Variants in CD8B observed in about 807,000 individuals in gnomAD.
The protein encoded by CD8B is T-cell surface glycoprotein CD8 beta chain.
In CD8B, 6 loss-of-function variants were observed where a neutral mutation model predicts 24.2. The ratio of observed to expected loss-of-function variants is 0.25; its 90% CI spans 0.14 to 0.49. CD8B has a LOEUF of 0.49. Among genes scored for constraint, CD8B ranks in the 20% least tolerant of loss-of-function variants. The pLI, the probability that CD8B is intolerant of heterozygous loss-of-function variation, is 0.98. For synonymous variants in CD8B, 84 were observed against 108.3 expected, an observed-to-expected ratio of 0.78 and a Z score of 1.39; for missense variants, 196 against 271.3, an observed-to-expected ratio of 0.72 and a Z score of 1.95.
intron 5 of CD8B, among the ~76,000 whole-genome samples, chr2:86,825,386 T>G (rs1674638144): frequency 6.6e-6 from 1 of 152,122 alleles, no homozygotes; most frequent in African/African-American, 2.4e-5. Flanking sequence ...TCCTTGGCCA[T>G]TCCCTTTGAC....
At chr2:86,860,640 A>G (rs1273482236) in intron 1 of CD8B, among the ~76,000 whole-genome samples, 1 of 152,206 alleles carries the variant, frequency 6.6e-6, no homozygotes, top group African/African-American at 2.4e-5. Flanking sequence ...GTGGGACCCC[A>G]AAACCTGACT....
At chr2:86,843,096 TTC>T (rs1326112520) in intron 5 of CD8B, among the ~76,000 whole-genome samples, 3 of 152,160 alleles carry the variant, frequency 2.0e-5, no homozygotes, top group Non-Finnish European at 4.4e-5. Flanking sequence ...GAAAGGAACT[TTC>T]TTTTTTTTTT....
intron 5 of CD8B, among the ~76,000 whole-genome samples, chr2:86,832,698 A>G (rs1041679278): frequency 6.6e-5 from 10 of 151,808 alleles, no homozygotes; most frequent in African/African-American, 2.4e-4. Flanking sequence ...TGAGCTTTGT[A>G]AGCTGCCCCA....
downstream of CD8B, among the ~76,000 whole-genome samples, chr2:86,833,637 CT>C (rs1268409998): frequency 7.8e-6 from 1 of 128,986 alleles, no homozygotes; most frequent in Admixed American, 7.9e-5. Flanking sequence ...CCCTCCCTCC[CT>C]CCCTTCCTTC....
rs1573506222 is a variant in CD8B at position 86,838,559 on chromosome 2, C to T, written c.*3748G>A. 6.6e-6 allele frequency among the ~76,000 whole-genome samples: 1 copy of T among 152,092 alleles called. No individual in the cohort carries two copies. The highest frequency in any genetic ancestry group is 1.5e-5 in the Non-Finnish European group (1 of 68,006). ...TGTTGCCCAGGCTGGAGTGCAGTGGCGTGATCACAGCTCACTGCAGTCTGA... is the reference window on the plus strand; with the variant it reads ...TGTTGCCCAGGCTGGAGTGCAGTGGTGTGATCACAGCTCACTGCAGTCTGA... On this transcript the variant is annotated 3_prime_UTR_variant, in exon 6 of 6. Coordinates refer to ENST00000390655, the MANE Select transcript of CD8B (RefSeq NM_004931.5).
chr2:86,861,741 G>T, intron 1 of CD8B, 82 bp downstream of exon 1: 4 of 1,087,862 alleles, frequency 3.7e-6, no homozygotes, highest in Non-Finnish European at 4.7e-6. Flanking sequence ...GCCAGGACCA[G>T]GGCCAGGACA....
chr2:86,822,097 C>T (rs978340297), intron 5 of CD8B, among the ~76,000 whole-genome samples: 1 of 152,186 alleles, frequency 6.6e-6, no homozygotes, highest in Admixed American at 6.5e-5. Context: ...GGACTGTACC[C>T]AGGGTTTTGA....
Position 86,861,781 on chromosome 2 carries a change from G to C in CD8B, c.43+42C>G, listed in dbSNP as rs1053542081. On this transcript the variant is annotated intron_variant, in intron 1 of 5. Coordinates refer to ENST00000390655, the MANE Select transcript of CD8B (RefSeq NM_004931.5). ...CTTATCACCTCCCCGCTCAGGCCCC[G>C]GGAGCGCAGACCCTTGGGTAGCCCG... is the stretch of plus-strand genomic sequence containing the variant. 51 of 1,248,346 alleles carry C rather than the reference G, an allele frequency of 4.1e-5. 1 individual carries two copies. The highest frequency in any genetic ancestry group is 5.0e-5 in the Non-Finnish European group (50 of 995,090). The allele number at this position is 1,248,346 out of a possible 1,614,324, so 77.3% of individuals were successfully genotyped here.
downstream of CD8B, among the ~76,000 whole-genome samples, chr2:86,834,911 G>C (rs955037378): frequency 6.9e-6 from 1 of 144,476 alleles, no homozygotes; most frequent in African/African-American, 2.6e-5. Flanking sequence ...ACTCCAGCCT[G>C]GGCAACAGAG....
intron 5 of CD8B, among the ~76,000 whole-genome samples, chr2:86,819,866 A>G (rs1334133495): frequency 2.0e-5 from 3 of 152,260 alleles, no homozygotes; most frequent in Non-Finnish European, 4.4e-5. Context: ...TAGATGCAAC[A>G]AAGAACATTT....
At chr2:86,853,302 C>T (rs529390635) in intron 2 of CD8B, among the ~76,000 whole-genome samples, 2,052 of 151,666 alleles carry the variant, frequency 0.014, 21 homozygotes, top group Non-Finnish European at 0.022. Flanking sequence ...TTTAGCCAGG[C>T]GTGGTGGCAT....
intron 3 of CD8B, 108 bp downstream of exon 3, chr2:86,852,889 C>G (rs1676044475): frequency 1.4e-6 from 2 of 1,442,942 alleles, no homozygotes; most frequent in Admixed American, 2.5e-5. Flanking sequence ...GGGAGATAGG[C>G]TCTAGAGTTG....
intron 5 of CD8B, among the ~76,000 whole-genome samples, chr2:86,831,786 C>T (rs1463441121): frequency 6.6e-6 from 1 of 152,118 alleles, no homozygotes; most frequent in African/African-American, 2.4e-5. Context: ...CAGAGACTCC[C>T]AGACTGAGGA....
intron 2 of CD8B, among the ~76,000 whole-genome samples, chr2:86,857,787 CT>C (rs1191749362): frequency 6.6e-6 from 1 of 152,160 alleles, no homozygotes; most frequent in African/African-American, 2.4e-5. Context: ...TCTGGCCCGT[CT>C]CTTCTAGTTT....
chr2:86,834,935 C>CAAAA (rs59354571), downstream of CD8B, among the ~76,000 whole-genome samples: 7 of 93,950 alleles, frequency 7.5e-5, no homozygotes, highest in African/African-American at 1.2e-4. Context: ...AACTCTGTCT[C>CAAAA]AAAAAAAAAA....
intron 5 of CD8B, among the ~76,000 whole-genome samples, chr2:86,820,707 A>G (rs1278462032): frequency 6.6e-6 from 1 of 152,162 alleles, no homozygotes; most frequent in Non-Finnish European, 1.5e-5. Context: ...AGGTTTGCCT[A>G]TACTGGAATT....
At chr2:86,852,762 G>T (rs1313720224) in intron 3 of CD8B, among the ~76,000 whole-genome samples, 1 of 152,200 alleles carries the variant, frequency 6.6e-6, no homozygotes, top group Non-Finnish European at 1.5e-5. Flanking sequence ...GTGTGCAGGG[G>T]TGTGGGTGGA....
chr2:86,829,267 C>T (rs1453020354), intron 5 of CD8B, among the ~76,000 whole-genome samples: 1 of 151,658 alleles, frequency 6.6e-6, no homozygotes. Context: ...CCACCATGCC[C>T]GGCTAATTTT....
At chr2:86,848,701 ATTATTTAT>A (rs55752237) in intron 3 of CD8B, among the ~76,000 whole-genome samples, 2 of 58,890 alleles carry the variant, frequency 3.4e-5, no homozygotes, top group Non-Finnish European at 6.1e-5. Context: ...GTATTTTTAA[ATTATTTAT>A]TTATTTATTT....
Sources: gnomAD v4.1 joint callset for allele counts (sites outside exome capture counted in the v4.1 genomes callset) on GRCh38, gnomAD v4.1.1 for gene constraint, MANE v1.5 for transcripts, NCBI Gene and HGNC (gene_info 2026-07-23, HGNC 2026-07-21) for gene names.